SNX7: variants seen among roughly 807,000 people sequenced by gnomAD.
The protein encoded by SNX7 is sorting nexin-7.
Under a neutral mutation model 48.4 loss-of-function variants are expected in SNX7, and 35 were observed. The observed-to-expected ratio is 0.72, with a 90% CI of 0.55 to 0.96. The LOEUF (loss-of-function observed/expected upper bound fraction) is 0.96. Among genes scored for constraint, SNX7 ranks in the 40% least tolerant of loss-of-function variants. The pLI, the probability that SNX7 is intolerant of heterozygous loss-of-function variation, is 0.00. For synonymous variants in SNX7, 190 were observed against 190.2 expected, an observed-to-expected ratio of 1.00 and a Z score of 0.01; for missense variants, 553 against 548.9, an observed-to-expected ratio of 1.01 and a Z score of -0.07.
chr1:98,743,001 T>G (rs1654146745), intron 8 of SNX7, among the ~76,000 whole-genome samples: 1 of 151,528 alleles, frequency 6.6e-6, no homozygotes, highest in African/African-American at 2.4e-5. Flanking sequence ...TAAACATTTG[T>G]TTTTTTTCTT....
intron 4 of SNX7, among the ~76,000 whole-genome samples, chr1:98,694,670 T>TGC (rs1557802633): frequency 2.3e-5 from 3 of 131,974 alleles, no homozygotes; most frequent in Non-Finnish European, 4.7e-5. Flanking sequence ...TGCAGTGGCA[T>TGC]GATCTCGGCT....
chr1:98,667,076 C>T (rs1292794680), intron 1 of SNX7, among the ~76,000 whole-genome samples: 1 of 152,188 alleles, frequency 6.6e-6, no homozygotes, highest in Admixed American at 6.5e-5. Context: ...GACATTTCTG[C>T]TGTGTGCTTC....
At chr1:98,744,171 T>C (rs992708) in intron 8 of SNX7, among the ~76,000 whole-genome samples, 75,656 of 151,748 alleles carry the variant, frequency 0.5, 19,284 homozygotes, top group African/African-American at 0.6. Context: ...GGAAGGAAAA[T>C]TTGGCCATTC....
At chr1:98,677,494 T>A (rs1650227674) in intron 1 of SNX7, among the ~76,000 whole-genome samples, 1 of 152,082 alleles carries the variant, frequency 6.6e-6, no homozygotes, top group Non-Finnish European at 1.5e-5. Context: ...ACATTTGGGA[T>A]AATAGGAGCC....
chr1:98,668,034 T>C (rs906270184), intron 1 of SNX7, among the ~76,000 whole-genome samples: 9 of 152,170 alleles, frequency 5.9e-5, no homozygotes, highest in South Asian at 2.1e-4. Flanking sequence ...AGCTCTCTTA[T>C]AGGTTAAGTA....
In SNX7 at chr1:98,661,845, C is replaced by G; in HGVS notation, c.114C>G (p.Ser38=). 1 of 1,246,558 alleles carries G rather than the reference C, an allele frequency of 8.0e-7. No individual in the cohort carries two copies. The highest frequency in any genetic ancestry group is 1.0e-6 in the Non-Finnish European group (1 of 987,382). The allele number at this position is 1,246,558 out of a possible 1,614,324, so 77.2% of individuals were successfully genotyped here. ...CCTTTCCGGGCAGCAGTGGCTCTTC[C>G]GCCCTGCTGCAGGCGGAGGTGCTGG... is the stretch of plus-strand genomic sequence containing the variant. ...GAPFPGSSGS[S]ALLQAEVLDL... Residue 38 remains serine (S), a synonymous_variant, in exon 1 of 9, where the codon TCC becomes TCG. Coordinates refer to ENST00000306121, the MANE Select transcript of SNX7 (RefSeq NM_015976.5).
At chr1:98,752,049 T>A (rs1654612643) in intron 8 of SNX7, among the ~76,000 whole-genome samples, 1 of 152,112 alleles carries the variant, frequency 6.6e-6, no homozygotes, top group Non-Finnish European at 1.5e-5. Context: ...AAAAAATTGA[T>A]GACAATGCAA....
intron 7 of SNX7, among the ~76,000 whole-genome samples, chr1:98,713,279 C>T (rs1335403877): frequency 6.6e-6 from 1 of 152,036 alleles, no homozygotes; most frequent in Non-Finnish European, 1.5e-5. Context: ...GTGAACCAAC[C>T]TCTGCTAGCT....
chr1:98,737,350 C>T (rs1421722975), intron 7 of SNX7, among the ~76,000 whole-genome samples: 3 of 152,128 alleles, frequency 2.0e-5, no homozygotes, highest in African/African-American at 4.8e-5. Context: ...GCATTTATTA[C>T]CAGCTGACAG....
intron 8 of SNX7, among the ~76,000 whole-genome samples, chr1:98,745,018 C>T (rs1284734465): frequency 6.6e-6 from 1 of 152,026 alleles, no homozygotes; most frequent in Admixed American, 6.6e-5. Flanking sequence ...TCCAAAGTAA[C>T]CTCCTCTGTA....
chr1:98,736,968 C>G (rs1254348591), intron 7 of SNX7, among the ~76,000 whole-genome samples: 1 of 152,140 alleles, frequency 6.6e-6, no homozygotes, highest in Non-Finnish European at 1.5e-5. Flanking sequence ...TCAAATCTTC[C>G]TGGCTTTGAA....
chr1:98,679,466 A>G (rs1212167318), intron 1 of SNX7, among the ~76,000 whole-genome samples: 1 of 152,086 alleles, frequency 6.6e-6, no homozygotes, highest in African/African-American at 2.4e-5. Flanking sequence ...CCCTCCCAAC[A>G]GTCCCCAAAG....
intron 8 of SNX7, among the ~76,000 whole-genome samples, chr1:98,746,118 C>T (rs148006695): frequency 2.0e-5 from 3 of 152,138 alleles, no homozygotes; most frequent in African/African-American, 7.2e-5. Context: ...CTCCGAGAAA[C>T]TGCCTTCTCA....
At chr1:98,664,957 A>C (rs370869797) in intron 1 of SNX7, among the ~76,000 whole-genome samples, 1 of 152,232 alleles carries the variant, frequency 6.6e-6, no homozygotes, top group East Asian at 1.9e-4. Context: ...TGAGGCTTCC[A>C]AAAAATTTAA....
chr1:98,739,262 G>A (rs543442271), intron 8 of SNX7, among the ~76,000 whole-genome samples: 24 of 152,196 alleles, frequency 1.6e-4, no homozygotes, highest in African/African-American at 4.1e-4. Flanking sequence ...ATGCTCACCC[G>A]CCGCTCACCT....
At chr1:98,717,914 A>C (rs1394104801) in intron 7 of SNX7, among the ~76,000 whole-genome samples, 3 of 152,094 alleles carry the variant, frequency 2.0e-5, no homozygotes, top group African/African-American at 7.2e-5. Context: ...ATGTAAACTT[A>C]GTGAGAAAAA....
chr1:98,704,764 A>G (rs563706543), intron 7 of SNX7, among the ~76,000 whole-genome samples: 1 of 152,178 alleles, frequency 6.6e-6, no homozygotes, highest in Non-Finnish European at 1.5e-5. Context: ...TTCTATGGAG[A>G]CATTGGGGCA....
intron 1 of SNX7, among the ~76,000 whole-genome samples, chr1:98,681,865 T>C (rs11166067): frequency 0.27 from 40,991 of 152,012 alleles, 5,743 homozygotes; most frequent in Non-Finnish European, 0.3. Context: ...TAGGAGAGTA[T>C]TCTTGTTTTC....
At chr1:98,738,056 C>A (rs534322841) in intron 7 of SNX7, among the ~76,000 whole-genome samples, 181 bp from the exon 8 acceptor site, 1 of 152,170 alleles carries the variant, frequency 6.6e-6, no homozygotes, top group Non-Finnish European at 1.5e-5. Context: ...AACCCTGACT[C>A]AACCTGACTG....
Sources: allele counts gnomAD v4.1 joint callset (sites outside exome capture counted in the v4.1 genomes callset), GRCh38; gene constraint gnomAD v4.1.1; transcripts MANE v1.5; gene names NCBI Gene and HGNC (gene_info 2026-07-23, HGNC 2026-07-21).